Variants in CD180 observed in about 807,000 individuals in gnomAD.
CD180 encodes CD180 antigen.
A neutral mutation model predicts 10.7 loss-of-function variants in CD180; 11 were observed. That is an observed-to-expected ratio of 1.03 (90% CI 0.65 to 1.70). The LOEUF (loss-of-function observed/expected upper bound fraction) is 1.70. Among genes scored for constraint, CD180 ranks in the 40% most tolerant of loss-of-function variants. The probability of loss-of-function intolerance (pLI) is 0.00; values close to 1 mark genes in which losing one functional copy is unlikely to be tolerated. For missense variants in CD180, 729 were observed against 775.2 expected, an observed-to-expected ratio of 0.94 and a Z score of 0.71; for synonymous variants, 286 against 294.6, an observed-to-expected ratio of 0.97 and a Z score of 0.30.
intron 1 of CD180, among the ~76,000 whole-genome samples, chr5:67,187,595 C>T (rs1196045946): frequency 2.6e-5 from 4 of 152,208 alleles, no homozygotes; most frequent in African/African-American, 9.6e-5. Context: ...GCCTGTAGAA[C>T]TGTGGGGTCA....
rs529330192 is a variant in CD180 at position 67,180,057 on chromosome 5, G to A, written c.*2800C>T. 5 of 152,372 alleles carry A rather than the reference G, an allele frequency of 3.3e-5. No individual in the cohort carries two copies. Among genetic ancestry groups the A allele is most frequent in the East Asian group, 1.9e-4 (1 of 5,192 alleles). 9.4% of individuals were successfully genotyped at this position (152,372 alleles called of 1,614,324 possible). On this transcript the variant is annotated 3_prime_UTR_variant, in exon 3 of 3. Coordinates refer to ENST00000256447, the MANE Select transcript of CD180 (RefSeq NM_005582.3). The stretch of plus-strand genomic sequence containing the variant: ...TAAAATTGACAGCAGCCATCAACAA[G>A]CTCCCTTTCTGACTTTGTGGGGTGA...
In CD180 at chr5:67,180,568, C is replaced by T. The variant is rs1412551233; in HGVS notation, c.*2289G>A. The T allele has an allele frequency of 2.6e-5, 4 of 152,130 alleles. No homozygotes were observed. The highest frequency in any genetic ancestry group is 4.8e-5 in the African/African-American group (2 of 41,406). The allele number at this position is 152,130 out of a possible 1,614,324, so 9.4% of individuals were successfully genotyped here. A position where few individuals can be genotyped will look rare whatever the true frequency, so the allele number is the denominator to read the frequency against. On this transcript the variant is annotated 3_prime_UTR_variant, in exon 3 of 3. Coordinates refer to ENST00000256447, the MANE Select transcript of CD180 (RefSeq NM_005582.3). ...CTGGGAATCCATTTTGTAAAAACTT[C>T]CCTAGGAGATGCCAGTGAAAAACAT...
rs1359415880 is a variant in CD180 at position 67,181,098 on chromosome 5, G to C, written c.*1759C>G. 1 of 151,738 alleles carries C rather than the reference G, an allele frequency of 6.6e-6. No homozygotes were observed. The highest frequency in any genetic ancestry group is 1.5e-5 in the Non-Finnish European group (1 of 67,960). 9.4% of individuals were successfully genotyped at this position (151,738 alleles called of 1,614,324 possible). The stretch of plus-strand genomic sequence containing the variant: ...AGAGAGAGTCCTTACTATGTCCCAG[G>C]CATGTTCTAGGGTATCTTTAGGCAA... On this transcript the variant is annotated 3_prime_UTR_variant, in exon 3 of 3. Transcript: ENST00000256447.
chr5:67,195,153 T>A (rs1742376205), intron 1 of CD180, among the ~76,000 whole-genome samples: 1 of 152,186 alleles, frequency 6.6e-6, no homozygotes, highest in South Asian at 2.1e-4. Flanking sequence ...CAATTTCTCT[T>A]GTTTAAGTCA....
At chr5:67,188,852 T>A (rs935427731) in intron 1 of CD180, among the ~76,000 whole-genome samples, 2 of 152,214 alleles carry the variant, frequency 1.3e-5, no homozygotes, top group Non-Finnish European at 2.9e-5. Context: ...AATTTATTCT[T>A]CATTTTATAG....
At chr5:67,184,815 G>A (rs1368352259) in intron 2 of CD180, among the ~76,000 whole-genome samples, 9 of 152,008 alleles carry the variant, frequency 5.9e-5, no homozygotes, top group African/African-American at 1.9e-4. Context: ...TGAACCCTCA[G>A]AGGTTTGTGC....
Position 67,183,855 on chromosome 5 carries a change from C to T in CD180, c.988G>A (p.Val330Ile), listed in dbSNP as rs1273793978. The change falls in exon 3 of 3, where the codon GTA becomes ATA. Residue 330 changes from valine to isoleucine, a missense_variant. Physicochemically the swap from Val to Ile is conservative, Grantham distance 29. Coordinates refer to ENST00000256447, the MANE Select transcript of CD180 (RefSeq NM_005582.3). ...TGACACAATTGATCGAAATGATTTA[C>T]ACTGAGAACTAATTTCTTGAGCAAG... is the stretch of plus-strand genomic sequence containing the variant. ...LNLLKKLVLSVNHFDQLCQIS... is the reference protein window; with the variant it reads ...LNLLKKLVLSINHFDQLCQIS... The T allele has an allele frequency of 6.2e-7, 1 of 1,614,194 alleles. No homozygotes were observed. The highest frequency in any genetic ancestry group is 8.5e-7 in the Non-Finnish European group (1 of 1,180,044).
Position 67,184,475 on chromosome 5 carries a change from C to T in CD180, c.368G>A (p.Gly123Glu), listed in dbSNP as rs778928180. ...LIFMAETSLN[G>E]PKSLKHLFLI... The stretch of plus-strand genomic sequence containing the variant: ...GAAAAGATGCTTCAGTGACTTGGGC[C>T]CATTAAGCGATGTTTCTGCCATGAA... The change falls in exon 3 of 3, where the codon GGG (glycine) becomes GAG (glutamate). Residue 123 changes from glycine to glutamate, a missense_variant. Transcript: ENST00000256447. The T allele has an allele frequency of 2.5e-6, 4 of 1,614,060 alleles. No homozygotes were observed. Among genetic ancestry groups the T allele is most frequent in the Non-Finnish European group, 3.4e-6 (4 of 1,179,972 alleles).
At chr5:67,186,231 A>G (rs534811200) in intron 1 of CD180, 5 of 329,942 alleles carry the variant, frequency 1.5e-5, no homozygotes, top group African/African-American at 4.3e-5. Context: ...CTATTCATCA[A>G]TATAGGACTA....
In CD180 at chr5:67,184,384, G is replaced by A. The variant is rs754199147; in HGVS notation, c.459C>T (p.Ser153=). 2 of 1,613,730 alleles carry A rather than the reference G, an allele frequency of 1.2e-6. No individual in the cohort carries two copies. The highest frequency in any genetic ancestry group is 3.3e-5 in the Admixed American group (2 of 60,010). ...AAATATGGTTGCTTCCAAGATACAAGCTTTCCAAGTTTTCCAGATTGTGCA... is the reference window on the plus strand; with the variant it reads ...AAATATGGTTGCTTCCAAGATACAAACTTTCCAAGTTTTCCAGATTGTGCA... The part of the protein sequence containing the change: ...IPVHNLENLE[S]LYLGSNHISS... Residue 153 remains serine (S), a synonymous_variant, in exon 3 of 3, where the codon AGC becomes AGT. Coordinates refer to ENST00000256447, the MANE Select transcript of CD180 (RefSeq NM_005582.3).
chr5:67,187,398 G>A (rs5744509), intron 1 of CD180, among the ~76,000 whole-genome samples: 10,551 of 152,208 alleles, frequency 0.069, 964 homozygotes, highest in African/African-American at 0.21. Flanking sequence ...ATTAATTTTA[G>A]ATCTCTGTAT....
Position 67,185,797 on chromosome 5 carries a change from C to A in CD180, c.257+54G>T, listed in dbSNP as rs1742180962. On this transcript the variant is annotated intron_variant, in intron 2 of 2. Transcript: ENST00000256447. The stretch of plus-strand genomic sequence containing the variant: ...GTCCTGCAAATAAATTAAGCACATA[C>A]TGTATTTTAACTTAAATAAAATAAA... The A allele has an allele frequency of 2.2e-6, 3 of 1,353,684 alleles. No individual in the cohort carries two copies. The African/African-American group carries it at 4.5e-5, about 20-fold the overall frequency. 83.9% of individuals were successfully genotyped at this position (1,353,684 alleles called of 1,614,324 possible).
At chr5:67,187,835 A>G (rs979003299) in intron 1 of CD180, among the ~76,000 whole-genome samples, 4 of 152,162 alleles carry the variant, frequency 2.6e-5, no homozygotes, top group Non-Finnish European at 4.4e-5. Context: ...TGATTGGATC[A>G]TGAAGATTCC....
In CD180 at chr5:67,184,195, A is replaced by G; in HGVS notation, c.648T>C (p.Leu216=). The G allele has an allele frequency of 1.2e-6, 2 of 1,614,136 alleles. No individual in the cohort carries two copies. The highest frequency in any genetic ancestry group is 4.5e-5 in the East Asian group (2 of 44,880). ...GGAAGATCGTTGAATCAAAAGCCCC[A>G]AGCTCAATACCTTTAACATTATTGC... is the stretch of plus-strand genomic sequence containing the variant. ...FNGNNVKGIE[L]GAFDSTIFQS... The change falls in exon 3 of 3, where the codon CTT becomes CTC. Residue 216 remains leucine (L), a synonymous_variant. Coordinates refer to ENST00000256447, the MANE Select transcript of CD180 (RefSeq NM_005582.3).
intron 2 of CD180, 87 bp from the exon 3 acceptor site, chr5:67,184,672 T>G: frequency 9.1e-7 from 1 of 1,103,068 alleles, no homozygotes; most frequent in Non-Finnish European, 1.3e-6. Context: ...AAAGTCATCT[T>G]TTGTATCATT....
At chr5:67,185,270 G>A (rs5744522) in intron 2 of CD180, among the ~76,000 whole-genome samples, 8 of 117,214 alleles carry the variant, frequency 6.8e-5, no homozygotes, top group African/African-American at 1.8e-4. Context: ...GCAGGTACAC[G>A]CAGAGCCTGT....
At chr5:67,187,403 C>A (rs1742219439) in intron 1 of CD180, among the ~76,000 whole-genome samples, 1 of 152,188 alleles carries the variant, frequency 6.6e-6, no homozygotes, top group Non-Finnish European at 1.5e-5. Context: ...TTTTAGATCT[C>A]TGTATTTGTA....
Position 67,183,516 on chromosome 5 carries a change from T to C in CD180, c.1327A>G (p.Asn443Asp), listed in dbSNP as rs1229828698. The C allele has an allele frequency of 6.2e-7, 1 of 1,614,126 alleles. No homozygotes were observed. The highest frequency in any genetic ancestry group is 8.5e-7 in the Non-Finnish European group (1 of 1,180,018). ...TTCAGAACCTGAAGGAAATGGAGGTTTTGGAAGGGACTTTGTGGAGCATTA... is the reference window on the plus strand; with the variant it reads ...TTCAGAACCTGAAGGAAATGGAGGTCTTGGAAGGGACTTTGTGGAGCATTA... ...HINAPQSPFQ[N>D]LHFLQVLNLT... The change falls in exon 3 of 3, where the codon AAC (asparagine) becomes GAC (aspartate). Residue 443 changes from asparagine to aspartate, a missense_variant. Coordinates refer to ENST00000256447, the MANE Select transcript of CD180 (RefSeq NM_005582.3).
chr5:67,195,362 A>T (rs1330881902), intron 1 of CD180, among the ~76,000 whole-genome samples: 1 of 152,124 alleles, frequency 6.6e-6, no homozygotes, highest in Non-Finnish European at 1.5e-5. Flanking sequence ...GATTACAGGC[A>T]TGTGCCACCA....
Sources: allele counts gnomAD v4.1 joint callset (sites outside exome capture counted in the v4.1 genomes callset), GRCh38; gene constraint gnomAD v4.1.1; transcripts MANE v1.5; gene names NCBI Gene and HGNC (gene_info 2026-07-23, HGNC 2026-07-21).